Variants in ZFHX3 observed in about 807,000 individuals in gnomAD.
The protein encoded by ZFHX3 is zinc finger homeobox 3.
In ZFHX3, 42 loss-of-function variants were observed where a neutral mutation model predicts 279.1. The ratio of observed to expected loss-of-function variants is 0.15; its 90% CI spans 0.12 to 0.19. The LOEUF (loss-of-function observed/expected upper bound fraction) is 0.19. Among genes scored for constraint, ZFHX3 ranks in the 10% least tolerant of loss-of-function variants. The pLI is 1.00. For missense variants in ZFHX3, 4,981 were observed against 4,754.0 expected (o/e 1.05, Z -1.40); for synonymous variants, 2,293 against 1,957.8 (o/e 1.17, Z -4.52).
intron 3 of ZFHX3, among the ~76,000 whole-genome samples, chr16:73,390,621 T>C (rs920292238): frequency 6.6e-6 from 1 of 152,122 alleles, no homozygotes; most frequent in Non-Finnish European, 1.5e-5. Context: ...GCCTTAAGTA[T>C]GTGTTGTTGC....
Position 73,770,888 on chromosome 16 carries a change from C to T in ZFHX3, c.-1607-90648G>A, listed in dbSNP as rs549140057. On this transcript the variant is annotated intron_variant, in intron 1 of 17. Transcript: ENST00000641206. ...CATTTCTATAGAGCACAATAAATAC[C>T]ATTATGTGTTAGACGGATGGATGGA... 2.6e-5 allele frequency among the ~76,000 whole-genome samples: 4 copies of T among 152,240 alleles called. 1 individual carries two copies. The East Asian group carries it at 7.7e-4, about 29-fold the overall frequency.
chr16:73,170,312 C>T (rs1286669955), intron 5 of ZFHX3, among the ~76,000 whole-genome samples: 1 of 141,098 alleles, frequency 7.1e-6, no homozygotes, highest in South Asian at 2.4e-4. Flanking sequence ...CTCACTGCAA[C>T]CTCCACCTCC....
At chr16:73,805,687 T>C (rs1228008641) in intron 1 of ZFHX3, among the ~76,000 whole-genome samples, 1 of 152,218 alleles carries the variant, frequency 6.6e-6, no homozygotes, top group African/African-American at 2.4e-5. Context: ...CAATGAGACA[T>C]AGCAATGGAC....
At chr16:72,970,367 T>C (rs1380701523) in intron 1 of ZFHX3, among the ~76,000 whole-genome samples, 1 of 152,150 alleles carries the variant, frequency 6.6e-6, no homozygotes, top group African/African-American at 2.4e-5. Context: ...TTTAAACAGC[T>C]ATAGTAACTG....
At chr16:72,848,566 C>T (rs1178590305) in intron 4 of ZFHX3, among the ~76,000 whole-genome samples, 1 of 152,134 alleles carries the variant, frequency 6.6e-6, no homozygotes, top group Non-Finnish European at 1.5e-5. Context: ...CACTGTGGCT[C>T]ATTTGGTTCC....
intron 2 of ZFHX3, among the ~76,000 whole-genome samples, chr16:73,487,057 T>C (rs1227206523): frequency 6.6e-6 from 1 of 152,220 alleles, no homozygotes; most frequent in African/African-American, 2.4e-5. Context: ...GAAAATGGTA[T>C]GAGAGATTGG....
intron 3 of ZFHX3, chr16:73,420,669 C>A (rs971511315): frequency 3.9e-5 from 6 of 152,128 alleles, no homozygotes; most frequent in African/African-American, 1.4e-4. Flanking sequence ...TTTTGATGAA[C>A]CAAGCTGGCT....
chr16:73,163,681 A>C (rs958968921), intron 5 of ZFHX3, among the ~76,000 whole-genome samples: 5 of 152,170 alleles, frequency 3.3e-5, no homozygotes, highest in Non-Finnish European at 7.3e-5. Context: ...CGTTTCCTGC[A>C]ATGTTTGTGT....
intron 2 of ZFHX3, among the ~76,000 whole-genome samples, chr16:73,571,855 G>A (rs938237308): frequency 3.3e-5 from 5 of 152,062 alleles, no homozygotes; most frequent in Non-Finnish European, 4.4e-5. Context: ...AATAACCATA[G>A]TACTTTTTTT....
chr16:73,448,685 CGTGTGTGTGTGT>C (rs71156167), intron 3 of ZFHX3, among the ~76,000 whole-genome samples: 6 of 142,088 alleles, frequency 4.2e-5, no homozygotes, highest in Admixed American at 7.1e-5. Flanking sequence ...TATTTATATA[CGTGTGTGTGTGT>C]GTGTGTGTGT....
intron 3 of ZFHX3, among the ~76,000 whole-genome samples, chr16:73,334,988 T>A (rs1250427097): frequency 6.6e-6 from 1 of 151,984 alleles, no homozygotes; most frequent in African/African-American, 2.4e-5. Flanking sequence ...GCTCTATTCA[T>A]GGCCAAATTT....
intron 3 of ZFHX3, among the ~76,000 whole-genome samples, chr16:72,929,900 A>C (rs750523487): frequency 1.8e-4 from 27 of 152,212 alleles, no homozygotes; most frequent in Admixed American, 4.6e-4. Context: ...AAAGGAGGAC[A>C]AGAGGAAAAG....
intron 2 of ZFHX3, among the ~76,000 whole-genome samples, chr16:73,516,689 G>A (rs1032160518): frequency 5.9e-5 from 9 of 151,962 alleles, no homozygotes; most frequent in Non-Finnish European, 1.0e-4. Flanking sequence ...TTCTTCCTTC[G>A]TTCTCCATTG....
At chr16:73,494,162 G>A (rs2019098247) in intron 2 of ZFHX3, among the ~76,000 whole-genome samples, 1 of 152,134 alleles carries the variant, frequency 6.6e-6, no homozygotes, top group Non-Finnish European at 1.5e-5. Context: ...ATCAAGTTAT[G>A]TGTATTGGAT....
chr16:73,885,829 T>C (rs1039755999), intron 1 of ZFHX3, among the ~76,000 whole-genome samples: 3 of 152,122 alleles, frequency 2.0e-5, no homozygotes, highest in Non-Finnish European at 4.4e-5. Context: ...TGTTAAACAC[T>C]GCAAGTCACT....
chr16:73,650,071 C>T (rs1246104067), intron 2 of ZFHX3, among the ~76,000 whole-genome samples: 3 of 152,014 alleles, frequency 2.0e-5, no homozygotes, highest in Admixed American at 2.0e-4. Context: ...GACCATGGTT[C>T]CCAAAAAGTT....
chr16:73,665,808 C>CT (rs527815602), intron 2 of ZFHX3, among the ~76,000 whole-genome samples: 35 of 90,522 alleles, frequency 3.9e-4, no homozygotes, highest in Non-Finnish European at 4.5e-4. Flanking sequence ...TCTTCAATAA[C>CT]TTTTTTTTTT....
intron 5 of ZFHX3, among the ~76,000 whole-genome samples, chr16:73,183,598 T>C (rs1016634774): frequency 2.6e-5 from 4 of 152,232 alleles, no homozygotes; most frequent in Non-Finnish European, 5.9e-5. Context: ...CTGGAGATGG[T>C]TGGGGCTACA....
intron 3 of ZFHX3, among the ~76,000 whole-genome samples, chr16:72,910,700 C>A (rs1279963987): frequency 1.3e-5 from 2 of 152,118 alleles, no homozygotes; most frequent in Admixed American, 6.6e-5. Context: ...AGCTTCATAA[C>A]CCTCGGGAGT....
Sources: allele counts gnomAD v4.1 joint callset (sites outside exome capture counted in the v4.1 genomes callset), GRCh38; gene constraint gnomAD v4.1.1; transcripts MANE v1.5; gene names NCBI Gene and HGNC (gene_info 2026-07-23, HGNC 2026-07-21).